CDKAL1: variants seen among roughly 807,000 people sequenced by gnomAD.
The protein encoded by CDKAL1 is CDKAL1 threonylcarbamoyladenosine tRNA methylthiotransferase.
In CDKAL1, 32 loss-of-function variants were observed where a neutral mutation model predicts 68.2. The ratio of observed to expected loss-of-function variants is 0.47; its 90% CI spans 0.35 to 0.63. The LOEUF (loss-of-function observed/expected upper bound fraction) is 0.63, where lower values mean the gene tolerates loss of function less well. CDKAL1 is among the 30% of genes least tolerant of loss of function. CDKAL1 has a pLI of 0.00. For synonymous variants in CDKAL1, 234 were observed against 244.3 expected (o/e 0.96, Z 0.39); for missense variants, 606 against 696.7 (o/e 0.87, Z 1.47).
At chr6:20,671,975 C>T (rs897878483) in intron 5 of CDKAL1, among the ~76,000 whole-genome samples, 7 of 152,134 alleles carry the variant, frequency 4.6e-5, no homozygotes, top group Non-Finnish European at 7.4e-5. Context: ...TTTGTCAAAA[C>T]GAATTTCCAA....
At chr6:20,601,151 T>C (rs1766079486) in intron 4 of CDKAL1, among the ~76,000 whole-genome samples, 1 of 152,158 alleles carries the variant, frequency 6.6e-6, no homozygotes, top group African/African-American at 2.4e-5. Context: ...ATCAGTGTTA[T>C]TGACGAATGC....
chr6:20,692,557 A>G (rs1770916571), intron 5 of CDKAL1, among the ~76,000 whole-genome samples: 1 of 152,154 alleles, frequency 6.6e-6, no homozygotes, highest in African/African-American at 2.4e-5. Context: ...AGAACTCTGA[A>G]ATTTTGTGAT....
chr6:20,570,671 G>A (rs1450707716), intron 4 of CDKAL1, among the ~76,000 whole-genome samples: 1 of 152,222 alleles, frequency 6.6e-6, no homozygotes, highest in Non-Finnish European at 1.5e-5. Context: ...AAAGTGCTGG[G>A]ATTACAGGTG....
At chr6:20,702,876 C>A (rs1337764459) in intron 5 of CDKAL1, among the ~76,000 whole-genome samples, 1 of 152,114 alleles carries the variant, frequency 6.6e-6, no homozygotes, top group Non-Finnish European at 1.5e-5. Flanking sequence ...CCCAGCACTT[C>A]CCTTCACCAC....
chr6:20,878,333 CT>C (rs1376225271), intron 9 of CDKAL1, among the ~76,000 whole-genome samples: 1 of 152,226 alleles, frequency 6.6e-6, no homozygotes, highest in Non-Finnish European at 1.5e-5. Context: ...CCTCTCTCCC[CT>C]CGCCCATAGG....
At chr6:20,696,545 C>T (rs920720830) in intron 5 of CDKAL1, among the ~76,000 whole-genome samples, 2 of 152,082 alleles carry the variant, frequency 1.3e-5, no homozygotes, top group African/African-American at 4.8e-5. Context: ...TATCTCTGTC[C>T]ATGGGTTTAT....
At chr6:20,921,455 A>G (rs1762953920) in intron 9 of CDKAL1, among the ~76,000 whole-genome samples, 1 of 152,122 alleles carries the variant, frequency 6.6e-6, no homozygotes, top group Non-Finnish European at 1.5e-5. Flanking sequence ...AACCAAACAA[A>G]CAAATGAACT....
rs529424243 is a variant in CDKAL1, at chr6:21,090,245, C to A, written c.1237-18156C>A. The stretch of plus-strand genomic sequence containing the variant: ...GGAACTAACATTTATTGAGTGATTA[C>A]TATATGCAGACACTGTACCAAGCAT... On this transcript the variant is annotated intron_variant, in intron 12 of 15. Coordinates refer to ENST00000274695, the MANE Select transcript of CDKAL1 (RefSeq NM_017774.3). 1.4e-4 allele frequency among the ~76,000 whole-genome samples: 22 copies of A among 152,292 alleles called. No individual in the cohort carries two copies. In the East Asian group the frequency reaches 3.1e-3, roughly 21 times the overall value.
intron 11 of CDKAL1, among the ~76,000 whole-genome samples, chr6:21,019,383 T>A (rs1319076998): frequency 1.3e-5 from 2 of 152,220 alleles, no homozygotes; most frequent in Admixed American, 6.5e-5. Flanking sequence ...TTTCTACAGT[T>A]GCCCATTTGT....
rs185831053 is a variant in CDKAL1 at position 20,786,432 on chromosome 6, T to C, written c.638+5167T>C. ...ATGTGCATGAATGGAAGAAATAAGC[T>C]AAGGTTGATAAGCTGTTTTCGTCAG... On this transcript the variant is annotated intron_variant, in intron 8 of 15. Coordinates refer to ENST00000274695, the MANE Select transcript of CDKAL1 (RefSeq NM_017774.3). Among the ~76,000 whole-genome samples, 219 of 151,856 alleles carry C rather than the reference T, an allele frequency of 1.4e-3. 1 individual carries two copies. Among genetic ancestry groups the C allele is most frequent in the Admixed American group, 2.8e-3 (43 of 15,222 alleles).
intron 10 of CDKAL1, among the ~76,000 whole-genome samples, chr6:20,978,007 A>G (rs1765924779): frequency 6.6e-6 from 1 of 152,356 alleles, no homozygotes; most frequent in African/African-American, 2.4e-5. Context: ...TGTAGACTCA[A>G]AGTCATAGGA....
intron 8 of CDKAL1, among the ~76,000 whole-genome samples, chr6:20,810,257 G>A (rs137874617): frequency 1.3e-5 from 2 of 152,084 alleles, no homozygotes; most frequent in African/African-American, 4.8e-5. Context: ...CCCTTCTCTT[G>A]CCCCAGCACA....
At chr6:20,730,035 A>G (rs748081565) in intron 5 of CDKAL1, among the ~76,000 whole-genome samples, 1 of 152,110 alleles carries the variant, frequency 6.6e-6, no homozygotes, top group Non-Finnish European at 1.5e-5. Context: ...AGAAAATTAC[A>G]TTGGCCTGGC....
At chr6:20,830,455 A>T (rs149575561) in intron 8 of CDKAL1, among the ~76,000 whole-genome samples, 8 of 146,502 alleles carry the variant, frequency 5.5e-5, no homozygotes, top group African/African-American at 2.1e-4. Flanking sequence ...AATTTGTATG[A>T]TATGTTTCAG....
intron 12 of CDKAL1, among the ~76,000 whole-genome samples, chr6:21,092,225 CG>C (rs972692900): frequency 3.1e-4 from 5 of 16,000 alleles, no homozygotes; most frequent in African/African-American, 9.3e-4. Flanking sequence ...TTTTCTGGGT[CG>C]GGGGGGCGGG....
At chr6:20,723,645 A>C (rs1249280908) in intron 5 of CDKAL1, 4 of 174,922 alleles carry the variant, frequency 2.3e-5, no homozygotes, top group Non-Finnish European at 4.9e-5. Context: ...GTTTTTAGGA[A>C]TGTTCACCAT....
intron 6 of CDKAL1, among the ~76,000 whole-genome samples, chr6:20,748,025 G>A (rs546986238): frequency 6.6e-6 from 1 of 152,124 alleles, no homozygotes; most frequent in East Asian, 1.9e-4. Flanking sequence ...TTTATGTATG[G>A]TGTAGTATAC....
rs536049783 is a variant in CDKAL1, at chr6:21,134,890, T to C, written c.1299+26427T>C. Among the ~76,000 whole-genome samples the C allele has an allele frequency of 4.0e-3, 614 of 152,290 alleles. 5 individuals carry two copies. The highest frequency in any genetic ancestry group is 0.014 in the African/African-American group (585 of 41,566). The stretch of plus-strand genomic sequence containing the variant: ...ATGTCCAGCTCTCCCCTCTCTTATT[T>C]TAAAACTACTTTTAACTGTTTCTTC... On this transcript the variant is annotated intron_variant, in intron 13 of 15. Transcript: ENST00000274695.
chr6:20,759,750 A>C (rs1342853199), intron 7 of CDKAL1, among the ~76,000 whole-genome samples: 1 of 152,178 alleles, frequency 6.6e-6, no homozygotes, highest in African/African-American at 2.4e-5. Context: ...ATTCTTATTG[A>C]AGTCACTGTG....
Sources: gnomAD v4.1 joint callset for allele counts (sites outside exome capture counted in the v4.1 genomes callset) on GRCh38, gnomAD v4.1.1 for gene constraint, MANE v1.5 for transcripts, NCBI Gene and HGNC (gene_info 2026-07-23, HGNC 2026-07-21) for gene names.